The following FHAD1 variants were observed in gnomAD, a reference collection of about 807,000 sequenced individuals.
FHAD1 encodes the protein forkhead associated phosphopeptide binding domain 1.
FHAD1 carries 146 observed loss-of-function variants against 191.3 expected under a neutral mutation model. That is an observed-to-expected ratio of 0.76 (90% CI 0.67 to 0.88). The LOEUF is 0.88. FHAD1 is among the 40% of genes least tolerant of loss of function. The pLI is 0.00. For synonymous variants in FHAD1, 616 were observed against 672.3 expected (o/e 0.92, Z 1.29); for missense variants, 1,635 against 1,785.8 (o/e 0.92, Z 1.52).
At chr1:15,326,898 C>A in intron 11 of FHAD1, 161 bp from the exon 12 acceptor site, 1 of 588,124 alleles carries the variant, frequency 1.7e-6, no homozygotes, top group Non-Finnish European at 3.1e-6. Flanking sequence ...CTGTGGGTCC[C>A]GCCACTCCCC....
intron 15 of FHAD1, among the ~76,000 whole-genome samples, chr1:15,340,567 T>G (rs1326708659): frequency 1.3e-5 from 2 of 152,060 alleles, no homozygotes; most frequent in Non-Finnish European, 1.5e-5. Flanking sequence ...ACCTTCTGCT[T>G]GTGTTATGTC....
At chr1:15,265,844 C>A (rs1383926278) in intron 2 of FHAD1, among the ~76,000 whole-genome samples, 2 of 150,854 alleles carry the variant, frequency 1.3e-5, no homozygotes. Context: ...GGTGGTGTGC[C>A]CCTGTAATCC....
intron 33 of FHAD1, among the ~76,000 whole-genome samples, chr1:15,395,379 T>C (rs1705596130): frequency 6.6e-6 from 1 of 150,892 alleles, no homozygotes; most frequent in South Asian, 2.1e-4. Context: ...CGTGCATGCA[T>C]GCACTCGGGC....
At chr1:15,326,805 A>G (rs925397386) in intron 11 of FHAD1, 6 of 343,196 alleles carry the variant, frequency 1.7e-5, no homozygotes, top group Non-Finnish European at 3.2e-5. Context: ...GGTTTGAGAC[A>G]TGTGTGTGCA....
At chr1:15,393,389 G>A (rs1283737300) in intron 33 of FHAD1, among the ~76,000 whole-genome samples, 1 of 149,446 alleles carries the variant, frequency 6.7e-6, no homozygotes, top group Non-Finnish European at 1.5e-5. Flanking sequence ...TATGTATAAA[G>A]CAATAGCCAT....
intron 2 of FHAD1, among the ~76,000 whole-genome samples, chr1:15,263,900 T>C (rs1297816103): frequency 1.3e-5 from 2 of 152,228 alleles, no homozygotes; most frequent in Non-Finnish European, 2.9e-5. Flanking sequence ...CTTTCCACCA[T>C]TGAATGGTAT....
chr1:15,357,847 A>G (rs1177282062), intron 20 of FHAD1: 5 of 340,148 alleles, frequency 1.5e-5, no homozygotes, highest in African/African-American at 1.1e-4. Flanking sequence ...TAAAAGAGAA[A>G]TAAAACATAC....
intron 1 of FHAD1, among the ~76,000 whole-genome samples, chr1:15,240,491 C>A (rs1645219927): frequency 6.6e-6 from 1 of 151,822 alleles, no homozygotes; most frequent in Non-Finnish European, 1.5e-5. Context: ...AAAAAATAGG[C>A]TTAGTGGTAC....
chr1:15,367,085 A>T (rs921954231), intron 24 of FHAD1, among the ~76,000 whole-genome samples: 3 of 152,182 alleles, frequency 2.0e-5, no homozygotes, highest in Non-Finnish European at 4.4e-5. Flanking sequence ...AGTGTGGGGT[A>T]GAGGCTACAA....
intron 20 of FHAD1, among the ~76,000 whole-genome samples, chr1:15,355,081 T>A (rs1692257480): frequency 6.6e-6 from 1 of 152,014 alleles, no homozygotes; most frequent in South Asian, 2.1e-4. Flanking sequence ...TGGTGGTGCA[T>A]GCTTGTAATC....
intron 18 of FHAD1, 52 bp from the exon 19 acceptor site, chr1:15,348,990 A>G: frequency 9.2e-7 from 1 of 1,089,246 alleles, no homozygotes; most frequent in African/African-American, 1.6e-5. Context: ...ATTACTAGCA[A>G]TTTCCCCCCT....
At chr1:15,376,787 C>T (rs76392318) in intron 28 of FHAD1, among the ~76,000 whole-genome samples, 2,789 of 152,264 alleles carry the variant, frequency 0.018, 75 homozygotes, top group African/African-American at 0.063. Flanking sequence ...CATCATCCCA[C>T]CACTTTGTGA....
rs1677542461 is a variant in FHAD1 at position 15,324,576 on chromosome 1, G to A, written c.1473+17G>A. Reference sequence around the variant, plus strand: ...GTAGGTCAGGTAGGCATGTTCCAGAGCCCCCCTCATTGGCCCACGCTCTCC... The same window carrying A: ...GTAGGTCAGGTAGGCATGTTCCAGAACCCCCCTCATTGGCCCACGCTCTCC... On this transcript the variant is annotated intron_variant, in intron 11 of 33. Transcript: ENST00000688493. 1 of 1,522,982 alleles carries A rather than the reference G, an allele frequency of 6.6e-7. No individual in the cohort carries two copies. Among genetic ancestry groups the A allele is most frequent in the Non-Finnish European group, 8.9e-7 (1 of 1,121,290 alleles). 94.3% of individuals were successfully genotyped at this position (1,522,982 alleles called of 1,614,324 possible).
In FHAD1 at chr1:15,381,500, T is replaced by C. The variant is rs80143705; in HGVS notation, c.4022+49T>C. On this transcript the variant is annotated intron_variant, in intron 30 of 33. Transcript: ENST00000688493. This position sits in a 1 kb window ranked among gnomAD's most constrained non-coding sequence, Gnocchi z 4.6. The stretch of plus-strand genomic sequence containing the variant: ...CACAGAAAGGCCCGGGCCTCCCTTC[T>C]CCTGGCTAAACTCAGGCTAGCAGCA... The C allele has an allele frequency of 0.016, 22,445 of 1,424,082 alleles. 2,438 individuals are homozygous for C. The African/African-American group carries it at 0.26, about 16-fold the overall frequency. 88.2% of individuals were successfully genotyped at this position (1,424,082 alleles called of 1,614,324 possible).
intron 1 of FHAD1, among the ~76,000 whole-genome samples, chr1:15,237,978 C>T (rs1473882972): frequency 2.0e-5 from 3 of 151,718 alleles, no homozygotes; most frequent in East Asian, 3.9e-4. Context: ...TGGCCAGGCG[C>T]GGTGGCTCAT....
intron 6 of FHAD1, chr1:15,305,832 A>G (rs991209638): frequency 5.7e-5 from 24 of 418,416 alleles, no homozygotes; most frequent in Non-Finnish European, 1.1e-4. Flanking sequence ...AAGTCCAATT[A>G]AATCTCTTTT....
At chr1:15,387,736 T>G (rs1702496821) in intron 31 of FHAD1, among the ~76,000 whole-genome samples, 1 of 151,996 alleles carries the variant, frequency 6.6e-6, no homozygotes, top group South Asian at 2.1e-4. Context: ...ATTAAAAAAA[T>G]TAGCTGGGTG....
intron 14 of FHAD1, among the ~76,000 whole-genome samples, chr1:15,337,653 C>T (rs1332746560): frequency 6.6e-6 from 1 of 152,192 alleles, no homozygotes; most frequent in Non-Finnish European, 1.5e-5. Context: ...ACAGCAAAGA[C>T]TTGACAATAT....
In FHAD1 at chr1:15,360,703, G is replaced by C. The variant is rs1432160874; in HGVS notation, c.2962G>C (p.Ala988Pro). ...EIATLKDNDP[A>P]PKEERPQDPL... ...TGCAACATTGAAGGACAATGACCCA[G>C]GTAAGTCCGAAGGGAGGCCAAGGAA... Residue 988 changes from alanine (A) to proline (P), a missense_variant and splice_region_variant, in exon 22 of 34, where the codon GCC becomes CCC. Transcript: ENST00000688493. 1 of 1,551,280 alleles carries C rather than the reference G, an allele frequency of 6.4e-7. No homozygotes were observed. Among genetic ancestry groups the C allele is most frequent in the South Asian group, 1.2e-5 (1 of 84,040 alleles).
Sources: allele counts gnomAD v4.1 joint callset (sites outside exome capture counted in the v4.1 genomes callset), GRCh38; gene constraint gnomAD v4.1.1; non-coding constraint Gnocchi (gnomAD v3.1); transcripts MANE v1.5; gene names NCBI Gene and HGNC (gene_info 2026-07-23, HGNC 2026-07-21).